Variants in HYDIN observed in about 807,000 individuals in gnomAD.
HYDIN encodes axonemal central pair apparatus protein HYDIN.
In HYDIN, 132 loss-of-function variants were observed where a neutral mutation model predicts 403.9. The ratio of observed to expected loss-of-function variants is 0.33; its 90% CI spans 0.28 to 0.38. The LOEUF is 0.38. HYDIN is among the 10% of genes least tolerant of loss of function. The pLI is 1.00. For synonymous variants in HYDIN, 1,202 were observed against 1,891.7 expected (o/e 0.64, Z 9.46); for missense variants, 2,827 against 5,009.5 (o/e 0.56, Z 13.15).
intron 83 of HYDIN, among the ~76,000 whole-genome samples, chr16:70,820,933 GC>G (rs1251608007): frequency 8.5e-5 from 13 of 152,166 alleles, no homozygotes; most frequent in Admixed American, 2.6e-4. Context: ...ACAGGTGTGA[GC>G]CACTGCACCT....
chr16:70,820,908 C>T (rs2036216467), intron 83 of HYDIN, among the ~76,000 whole-genome samples: 1 of 152,098 alleles, frequency 6.6e-6, no homozygotes, highest in South Asian at 2.1e-4. Context: ...CTCAGCCTCC[C>T]AAAGTGCTGG....
intron 6 of HYDIN, among the ~76,000 whole-genome samples, chr16:71,153,245 GGA>G (rs573576050): frequency 1.3e-5 from 2 of 152,210 alleles, no homozygotes; most frequent in Non-Finnish European, 2.9e-5. Flanking sequence ...AGAGTTCACA[GGA>G]GAGAGGGCAT....
At chr16:71,051,645 C>CAAAAAAAAAAAA (rs56676777) in intron 18 of HYDIN, among the ~76,000 whole-genome samples, 5 of 120,174 alleles carry the variant, frequency 4.2e-5, no homozygotes, top group African/African-American at 9.6e-5. Context: ...GACTCTGTCT[C>CAAAAAAAAAAAA]AAAAAAAAAA....
chr16:70,868,453 A>G (rs2039898123), intron 66 of HYDIN, 117 bp downstream of exon 66: 2 of 1,430,378 alleles, frequency 1.4e-6, no homozygotes, highest in Non-Finnish European at 9.2e-7. Flanking sequence ...GTCAAGGTCA[A>G]GTAGAATGGG....
chr16:70,991,371 T>C lies in HYDIN; in HGVS notation c.3811A>G (p.Arg1271Gly), dbSNP rs772215660. 3.7e-6 allele frequency: 6 copies of C among 1,614,026 alleles called. No individual in the cohort carries two copies. The East Asian group carries it at 1.3e-4, about 36-fold the overall frequency. ...TTTCTTAGTTCTTTTTCTTCAGGCCTGGCATCTTCATCCACAAGGACAGTC... is the reference window on the plus strand; with the variant it reads ...TTTCTTAGTTCTTTTTCTTCAGGCCCGGCATCTTCATCCACAAGGACAGTC... ...VKTVLVDEDA[R>G]PEEKELRKTK... is the part of the protein sequence containing the mutation. Residue 1271 changes from arginine (R) to glycine (G), a missense_variant, in exon 25 of 86, where the codon AGG becomes GGG. By Grantham distance (125) the Arg-to-Gly change is moderately radical. Transcript: ENST00000393567.
At chr16:70,894,393 C>T (rs1178369153) in intron 55 of HYDIN, 56 bp downstream of exon 55, 32 of 1,609,504 alleles carry the variant, frequency 2.0e-5, no homozygotes, top group Non-Finnish European at 2.7e-5. Context: ...CATATTTCCC[C>T]ACATTCCTCC....
At chr16:70,863,679 C>G (rs1254417643) in intron 67 of HYDIN, among the ~76,000 whole-genome samples, 2 of 152,024 alleles carry the variant, frequency 1.3e-5, no homozygotes, top group African/African-American at 2.4e-5. Context: ...AATTTGAGAC[C>G]AGCCTGGCCA....
chr16:70,952,968 T>C (rs2078119081), intron 40 of HYDIN, among the ~76,000 whole-genome samples: 1 of 152,138 alleles, frequency 6.6e-6, no homozygotes, highest in South Asian at 2.1e-4. Flanking sequence ...ACCAGCTGGG[T>C]TCACGTGCTC....
chr16:71,157,044 C>T (rs6499482), intron 6 of HYDIN, among the ~76,000 whole-genome samples: 78,932 of 121,084 alleles, frequency 0.65, 27,804 homozygotes, highest in African/African-American at 0.9. Context: ...TTGTGATATA[C>T]TGTTGGTTAG....
chr16:71,218,769 CT>C (rs2089031837), intron 1 of HYDIN, among the ~76,000 whole-genome samples: 1 of 152,126 alleles, frequency 6.6e-6, no homozygotes, highest in East Asian at 1.9e-4. Flanking sequence ...CCTGTTATTG[CT>C]TTTTATTAAA....
chr16:71,053,895 T>A (rs1340166767), intron 18 of HYDIN, among the ~76,000 whole-genome samples: 7 of 152,304 alleles, frequency 4.6e-5, no homozygotes, highest in Non-Finnish European at 7.3e-5. Flanking sequence ...ATATGTTTCA[T>A]ATACATAGTG....
At position 71,141,304 on chromosome 16, in the gene HYDIN, T is replaced by A. The variant is rs200170396; in HGVS notation, c.842-3952A>T. Among the ~76,000 whole-genome samples, 10 of 150,920 alleles carry A rather than the reference T, an allele frequency of 6.6e-5. No individual in the cohort carries two copies. In the East Asian group the frequency reaches 1.4e-3, roughly 20 times the overall value. On this transcript the variant is annotated intron_variant, in intron 7 of 85. Transcript: ENST00000393567. ...TAGCCATATGAAAAAACATATCTCA[T>A]ATCTTATATCAGAATAAATGTCAAG...
rs755068936 is a variant in HYDIN, at chr16:70,955,462, T to C, written c.6229A>G (p.Asn2077Asp). 6.2e-7 allele frequency: 1 copy of C among 1,613,620 alleles called. No homozygotes were observed. Among genetic ancestry groups the C allele is most frequent in the South Asian group, 1.1e-5 (1 of 91,052 alleles). ...IDSIVLEAVA[N>D]SNNIPGIRAR... ...CGGATCCCTGGGATGTTGTTGCTGTTGGCCACAGCTTCCAGCACAATGGAG... is the reference window on the plus strand; with the variant it reads ...CGGATCCCTGGGATGTTGTTGCTGTCGGCCACAGCTTCCAGCACAATGGAG... The change falls in exon 40 of 86, where the codon AAC becomes GAC. Residue 2077 changes from asparagine to aspartate, a missense_variant. Physicochemically the swap from Asn to Asp is conservative, Grantham distance 23. Transcript: ENST00000393567.
At chr16:70,949,879 C>A (rs1305045133) in intron 41 of HYDIN, among the ~76,000 whole-genome samples, 1 of 152,270 alleles carries the variant, frequency 6.6e-6, no homozygotes, top group Non-Finnish European at 1.5e-5. Flanking sequence ...AGCTTTATTT[C>A]CCTGTCCAGA....
chr16:70,969,022 G>C (rs1407602568), intron 36 of HYDIN, among the ~76,000 whole-genome samples: 2 of 151,926 alleles, frequency 1.3e-5, no homozygotes, highest in African/African-American at 2.4e-5. Flanking sequence ...CAATATGTGG[G>C]CAGAATGAAA....
At chr16:71,097,094 C>A (rs2083294623) in intron 10 of HYDIN, among the ~76,000 whole-genome samples, 1 of 113,096 alleles carries the variant, frequency 8.8e-6, no homozygotes, top group Non-Finnish European at 1.6e-5. Context: ...ACAATAGACA[C>A]CTTAGAACGC....
intron 12 of HYDIN, among the ~76,000 whole-genome samples, chr16:71,083,903 T>C (rs1292644434): frequency 7.7e-6 from 1 of 129,878 alleles, no homozygotes; most frequent in Non-Finnish European, 1.6e-5. Context: ...TGAGTAACCC[T>C]AATTTTACTT....
At chr16:71,065,098 T>C (rs1279942336) in intron 15 of HYDIN, among the ~76,000 whole-genome samples, 46 of 152,214 alleles carry the variant, frequency 3.0e-4, no homozygotes, top group African/African-American at 9.4e-4. Context: ...ATTTCCATTG[T>C]TTTATATATT....
At chr16:70,865,969 T>C (rs1219085179) in intron 67 of HYDIN, among the ~76,000 whole-genome samples, 200 bp downstream of exon 67, 1 of 152,174 alleles carries the variant, frequency 6.6e-6, no homozygotes, top group East Asian at 1.9e-4. Context: ...CTGGCCTATA[T>C]CTTGATTTCA....
Sources: allele counts gnomAD v4.1 joint callset (sites outside exome capture counted in the v4.1 genomes callset), GRCh38; gene constraint gnomAD v4.1.1; transcripts MANE v1.5; gene names NCBI Gene and HGNC (gene_info 2026-07-23, HGNC 2026-07-21).